The following FGF10 variants were observed in gnomAD, a reference collection of about 807,000 sequenced individuals.
The protein encoded by FGF10 is FGF-10.
A neutral mutation model predicts 19.8 loss-of-function variants in FGF10; 2 were observed. The observed-to-expected ratio is 0.10, with a 90% CI of 0.04 to 0.32. The LOEUF (loss-of-function observed/expected upper bound fraction) is 0.32. Among genes scored for constraint, FGF10 ranks in the 10% least tolerant of loss-of-function variants. The pLI is 1.00. For synonymous variants in FGF10, 112 were observed against 94.0 expected (o/e 1.19, Z -1.10); for missense variants, 191 against 246.3 (o/e 0.78, Z 1.50).
chr5:44,328,510 C>T (rs1740662760), intron 1 of FGF10, among the ~76,000 whole-genome samples: 1 of 152,116 alleles, frequency 6.6e-6, no homozygotes, highest in South Asian at 2.1e-4. Flanking sequence ...GTAATCCCAG[C>T]ACTTTGGGAA....
At chr5:44,373,666 CT>C (rs1182368390) in intron 1 of FGF10, among the ~76,000 whole-genome samples, 3 of 152,102 alleles carry the variant, frequency 2.0e-5, no homozygotes, top group African/African-American at 7.2e-5. Context: ...AAAAAAAGCA[CT>C]GTTAATATTA....
intron 1 of FGF10, among the ~76,000 whole-genome samples, chr5:44,311,871 A>T (rs1371120621): frequency 6.6e-6 from 1 of 152,210 alleles, no homozygotes; most frequent in African/African-American, 2.4e-5. Flanking sequence ...ATAGAGATAG[A>T]GTGGCTTAGC....
chr5:44,317,588 T>C (rs1412274342), intron 1 of FGF10, among the ~76,000 whole-genome samples: 2 of 152,170 alleles, frequency 1.3e-5, no homozygotes, highest in Admixed American at 6.6e-5. Flanking sequence ...ATCAATTTCT[T>C]ACTGCATTTT....
At chr5:44,318,984 T>C (rs1740419545) in intron 1 of FGF10, among the ~76,000 whole-genome samples, 1 of 152,158 alleles carries the variant, frequency 6.6e-6, no homozygotes, top group Non-Finnish European at 1.5e-5. Context: ...ATATTGTCTG[T>C]TTCATATCCA....
chr5:44,341,199 A>C (rs1399846227), intron 1 of FGF10, among the ~76,000 whole-genome samples: 1 of 151,992 alleles, frequency 6.6e-6, no homozygotes, highest in Non-Finnish European at 1.5e-5. Context: ...ACAATGGAAA[A>C]CATTATGCTT....
At chr5:44,355,071 A>G (rs1285673198) in intron 1 of FGF10, among the ~76,000 whole-genome samples, 2 of 151,538 alleles carry the variant, frequency 1.3e-5, no homozygotes, top group African/African-American at 2.4e-5. Flanking sequence ...ATGTGTGCAC[A>G]TAGTGTATAG....
chr5:44,344,670 T>G (rs1741047282), intron 1 of FGF10, among the ~76,000 whole-genome samples: 1 of 150,120 alleles, frequency 6.7e-6, no homozygotes, highest in African/African-American at 2.5e-5. Flanking sequence ...TACTCAGGAT[T>G]GAGAGAGTAC....
At chr5:44,308,235 GA>G (rs879789850) in intron 2 of FGF10, among the ~76,000 whole-genome samples, 10 of 151,838 alleles carry the variant, frequency 6.6e-5, no homozygotes, top group Non-Finnish European at 1.2e-4. Context: ...TGGGGCAGAA[GA>G]AAAAAAGAGG....
At chr5:44,383,189 A>T (rs1742021161) in intron 1 of FGF10, among the ~76,000 whole-genome samples, 1 of 152,048 alleles carries the variant, frequency 6.6e-6, no homozygotes, top group Admixed American at 6.6e-5. Context: ...AGACATTTGG[A>T]TAATAAATGG....
At chr5:44,319,420 T>C (rs957644783) in intron 1 of FGF10, among the ~76,000 whole-genome samples, 2 of 152,174 alleles carry the variant, frequency 1.3e-5, no homozygotes, top group Admixed American at 6.5e-5. Context: ...AGGAAAATAA[T>C]AAAATGGGTC....
rs145784512 is a variant in FGF10, at chr5:44,319,317, T to C, written c.326-8787A>G. Among the ~76,000 whole-genome samples, 377 of 152,288 alleles carry C rather than the reference T, an allele frequency of 2.5e-3. 2 individuals carry two copies. Among genetic ancestry groups the C allele is most frequent in the African/African-American group, 8.6e-3 (359 of 41,570 alleles). On this transcript the variant is annotated intron_variant, in intron 1 of 2. Transcript: ENST00000264664. The stretch of plus-strand genomic sequence containing the variant: ...AATATAGACATTTACCCTAAAGACA[T>C]TGCTATAAACTGTCTACCACATTTA...
chr5:44,346,637 A>C (rs1409173218), intron 1 of FGF10, among the ~76,000 whole-genome samples: 4 of 151,792 alleles, frequency 2.6e-5, no homozygotes, highest in Admixed American at 1.3e-4. Context: ...ATTTTTGTAT[A>C]GCTTACTCTA....
chr5:44,336,285 T>C (rs1351621934), intron 1 of FGF10, among the ~76,000 whole-genome samples: 1 of 152,164 alleles, frequency 6.6e-6, no homozygotes. Context: ...TTAAATAGTC[T>C]AAGAAATACT....
intron 1 of FGF10, among the ~76,000 whole-genome samples, chr5:44,337,640 G>A (rs1740882597): frequency 6.6e-6 from 1 of 152,074 alleles, no homozygotes; most frequent in African/African-American, 2.4e-5. Context: ...AACAGATTTG[G>A]ACATTAAAAA....
chr5:44,333,971 C>T (rs937534447), intron 1 of FGF10, among the ~76,000 whole-genome samples: 4 of 152,044 alleles, frequency 2.6e-5, no homozygotes, highest in Admixed American at 6.6e-5. Context: ...TAGCTTTCAT[C>T]CTCTTCAGTA....
At chr5:44,351,791 T>C (rs1741239173) in intron 1 of FGF10, among the ~76,000 whole-genome samples, 1 of 151,702 alleles carries the variant, frequency 6.6e-6, no homozygotes, top group East Asian at 1.9e-4. Context: ...TAGTTTATGA[T>C]TCAGTGTAAT....
chr5:44,313,529 G>C (rs187010601), intron 1 of FGF10, among the ~76,000 whole-genome samples: 5 of 151,406 alleles, frequency 3.3e-5, no homozygotes, highest in African/African-American at 9.7e-5. Context: ...GGATCTCCCC[G>C]TGTTTCTTAC....
intron 1 of FGF10, among the ~76,000 whole-genome samples, chr5:44,373,906 T>C (rs1402754540): frequency 1.3e-5 from 2 of 152,180 alleles, no homozygotes; most frequent in Non-Finnish European, 2.9e-5. Context: ...CATTTTTAGG[T>C]TGAGTTACAG....
rs151052514 is a variant in FGF10, at chr5:44,357,887, C to A, written c.325+30471G>T. 3.3e-3 allele frequency among the ~76,000 whole-genome samples: 496 copies of A among 151,472 alleles called. 2 individuals are homozygous for A. Among genetic ancestry groups the A allele is most frequent in the African/African-American group, 0.012 (477 of 41,428 alleles). On this transcript the variant is annotated intron_variant, in intron 1 of 2. Coordinates refer to ENST00000264664, the MANE Select transcript of FGF10 (RefSeq NM_004465.2). ...TCTGCCATGAAGGTTCTTAGGAAGA[C>A]CTGTTGGAATAATGCATTCCCCTCT... is the stretch of plus-strand genomic sequence containing the variant.
Sources: allele counts gnomAD v4.1 joint callset (sites outside exome capture counted in the v4.1 genomes callset), GRCh38; gene constraint gnomAD v4.1.1; transcripts MANE v1.5; gene names NCBI Gene and HGNC (gene_info 2026-07-23, HGNC 2026-07-21).